The following LPP variants were observed in gnomAD, a reference collection of about 807,000 sequenced individuals.
The protein encoded by LPP is lipoma-preferred partner.
LPP carries 38 observed loss-of-function variants against 60.4 expected under a neutral mutation model. The ratio of observed to expected loss-of-function variants is 0.63; its 90% CI spans 0.49 to 0.83. LPP has a LOEUF of 0.83. Ranked by LOEUF, LPP falls within the 40% of genes least tolerant of loss-of-function variation. The probability of loss-of-function intolerance (pLI) is 0.00; values close to 1 mark genes in which losing one functional copy is unlikely to be tolerated. For missense variants in LPP, 902 were observed against 783.6 expected, an observed-to-expected ratio of 1.15 and a Z score of -1.80; for synonymous variants, 328 against 290.8, an observed-to-expected ratio of 1.13 and a Z score of -1.30.
chr3:188,201,432 C>A (rs542054843), intron 1 of LPP, among the ~76,000 whole-genome samples: 1 of 152,204 alleles, frequency 6.6e-6, no homozygotes, highest in Admixed American at 6.5e-5. Context: ...GGATGCCAGG[C>A]GTGGTGGCTC....
Position 188,611,976 on chromosome 3 carries a change from A to G in LPP, c.1113+2132A>G, listed in dbSNP as rs202148243. The stretch of plus-strand genomic sequence containing the variant: ...AGGGAGATGGAATGAATTTTTATAA[A>G]CCACTCATCAGAAAACATGGAACTT... On this transcript the variant is annotated intron_variant, in intron 7 of 11. Transcript: ENST00000617246. 3.3e-5 allele frequency among the ~76,000 whole-genome samples: 5 copies of G among 152,286 alleles called. No homozygotes were observed. In the East Asian group the frequency reaches 9.6e-4, roughly 29 times the overall value.
intron 9 of LPP, among the ~76,000 whole-genome samples, chr3:188,776,772 A>G (rs574624163): frequency 6.6e-6 from 1 of 152,212 alleles, no homozygotes; most frequent in African/African-American, 2.4e-5. Flanking sequence ...CATGCCATTT[A>G]AACTGGAAGA....
intron 2 of LPP, among the ~76,000 whole-genome samples, chr3:188,309,022 C>CTTTTT (rs777945680): frequency 2.3e-4 from 28 of 119,716 alleles, no homozygotes; most frequent in South Asian, 1.1e-3. Context: ...TCTTCTTCTT[C>CTTTTT]TTTTTTTTTT....
At chr3:188,279,922 G>T (rs1004673621) in intron 2 of LPP, among the ~76,000 whole-genome samples, 5 of 152,130 alleles carry the variant, frequency 3.3e-5, no homozygotes, top group African/African-American at 9.7e-5. Context: ...TTAATGACAG[G>T]TAACTCCAGC....
intron 4 of LPP, among the ~76,000 whole-genome samples, chr3:188,439,743 G>A (rs1793304463): frequency 6.6e-6 from 1 of 152,164 alleles, no homozygotes; most frequent in South Asian, 2.1e-4. Flanking sequence ...TAGGCACTGA[G>A]GATGCAGTAC....
At chr3:188,856,422 G>A (rs1045758889) in intron 9 of LPP, among the ~76,000 whole-genome samples, 1 of 152,196 alleles carries the variant, frequency 6.6e-6, no homozygotes, top group Non-Finnish European at 1.5e-5. Flanking sequence ...TAATAAGAAT[G>A]ATAGAAGTTG....
At chr3:188,704,947 T>G (rs1223626058) in intron 7 of LPP, among the ~76,000 whole-genome samples, 1 of 152,046 alleles carries the variant, frequency 6.6e-6, no homozygotes, top group Non-Finnish European at 1.5e-5. Flanking sequence ...ACCGAAATAC[T>G]GAACCACTTG....
chr3:188,545,439 T>A (rs6771825), intron 6 of LPP, among the ~76,000 whole-genome samples: 76,296 of 151,534 alleles, frequency 0.5, 19,694 homozygotes, highest in East Asian at 0.92. Flanking sequence ...TGTATCTGTA[T>A]CAGCCATTTA....
At chr3:188,392,783 C>T (rs1213506016) in intron 3 of LPP, among the ~76,000 whole-genome samples, 1 of 151,992 alleles carries the variant, frequency 6.6e-6, no homozygotes, top group Non-Finnish European at 1.5e-5. Flanking sequence ...GGAGGTGGTC[C>T]TGGAATAGAT....
intron 7 of LPP, among the ~76,000 whole-genome samples, chr3:188,695,887 T>C (rs1200511079): frequency 6.6e-6 from 1 of 152,208 alleles, no homozygotes; most frequent in Non-Finnish European, 1.5e-5. Context: ...AATGAATATA[T>C]AGAGATGGCT....
chr3:188,713,270 A>G (rs776543627), intron 8 of LPP, among the ~76,000 whole-genome samples: 9 of 152,204 alleles, frequency 5.9e-5, no homozygotes, highest in Non-Finnish European at 1.3e-4. Flanking sequence ...ACATGCTTCA[A>G]GACACCTGTC....
chr3:188,428,596 A>ATATAT (rs1553895829), intron 4 of LPP, among the ~76,000 whole-genome samples: 36 of 142,692 alleles, frequency 2.5e-4, no homozygotes, highest in Middle Eastern at 3.6e-3. Context: ...ATATATATAT[A>ATATAT]TTTTTTTTTT....
chr3:188,553,540 C>T (rs1828718241), intron 6 of LPP, among the ~76,000 whole-genome samples: 1 of 152,114 alleles, frequency 6.6e-6, no homozygotes, highest in Non-Finnish European at 1.5e-5. Context: ...GAGATCCCCA[C>T]AAAACAGATC....
At chr3:188,367,471 A>T (rs922092075) in intron 3 of LPP, among the ~76,000 whole-genome samples, 8 of 152,320 alleles carry the variant, frequency 5.3e-5, no homozygotes, top group Middle Eastern at 3.4e-3. Context: ...TAGTTAATAG[A>T]TATATCTGGT....
intron 3 of LPP, among the ~76,000 whole-genome samples, chr3:188,376,773 G>A (rs59903509): frequency 6.6e-5 from 10 of 152,036 alleles, no homozygotes; most frequent in East Asian, 1.9e-4. Flanking sequence ...TATTTTGCTC[G>A]CTAGTTGATG....
intron 9 of LPP, among the ~76,000 whole-genome samples, chr3:188,817,071 G>A (rs7610046): frequency 0.023 from 3,540 of 152,222 alleles, 122 homozygotes; most frequent in African/African-American, 0.08. Context: ...GGAAAATTTG[G>A]CTCCTTGAAA....
chr3:188,595,322 A>T (rs1839780216), intron 6 of LPP, among the ~76,000 whole-genome samples: 1 of 152,160 alleles, frequency 6.6e-6, no homozygotes, highest in Non-Finnish European at 1.5e-5. Context: ...AGGAAAGAAG[A>T]ATAATAAACT....
chr3:188,338,728 G>A (rs1399978051), intron 2 of LPP, among the ~76,000 whole-genome samples: 1 of 152,018 alleles, frequency 6.6e-6, no homozygotes, highest in Non-Finnish European at 1.5e-5. Flanking sequence ...GTTTTTATAA[G>A]ATACTCTTAT....
rs1482892405 is a variant in LPP at position 188,877,339 on chromosome 3, C to T, written c.*2860C>T. 5.6e-6 allele frequency: 1 copy of T among 179,850 alleles called. No homozygotes were observed. Among genetic ancestry groups the T allele is most frequent in the Non-Finnish European group, 1.2e-5 (1 of 84,240 alleles). 11.1% of individuals were successfully genotyped at this position (179,850 alleles called of 1,614,324 possible). A position where few individuals can be genotyped will look rare whatever the true frequency, so the allele number is the denominator to read the frequency against. Reference sequence around the variant, plus strand: ...ATAGTAGAAAAATCAGAGTCTATAACAGAAAGTTTGTAAAAATATACTGAT... The same window carrying T: ...ATAGTAGAAAAATCAGAGTCTATAATAGAAAGTTTGTAAAAATATACTGAT... On this transcript the variant is annotated 3_prime_UTR_variant, in exon 12 of 12. Coordinates refer to ENST00000617246, the MANE Select transcript of LPP (RefSeq NM_001375462.1).
Sources: gnomAD v4.1 joint callset for allele counts (sites outside exome capture counted in the v4.1 genomes callset) on GRCh38, gnomAD v4.1.1 for gene constraint, MANE v1.5 for transcripts, NCBI Gene and HGNC (gene_info 2026-07-23, HGNC 2026-07-21) for gene names.